DHTKD1: variants seen among roughly 807,000 people sequenced by gnomAD.
DHTKD1 encodes 2-oxoadipate dehydrogenase complex component E1.
Under a neutral mutation model 101.8 loss-of-function variants are expected in DHTKD1, and 78 were observed. The ratio of observed to expected loss-of-function variants is 0.77; its 90% CI spans 0.64 to 0.93. The LOEUF (loss-of-function observed/expected upper bound fraction) is 0.93. Among genes scored for constraint, DHTKD1 ranks in the 40% least tolerant of loss-of-function variants. The probability of loss-of-function intolerance (pLI) is 0.00; values close to 1 mark genes in which losing one functional copy is unlikely to be tolerated. For synonymous variants in DHTKD1, 462 were observed against 450.3 expected (o/e 1.03, Z -0.33); for missense variants, 1,223 against 1,161.7 (o/e 1.05, Z -0.77).
chr10:12,071,654 A>G (rs1291935), intron 1 of DHTKD1, among the ~76,000 whole-genome samples: 126,118 of 151,420 alleles, frequency 0.83, 52,665 homozygotes, highest in South Asian at 0.93. Flanking sequence ...GGGGCCAGGC[A>G]CAGTGACTCA....
At chr10:12,104,701 C>T (rs900030862) in intron 10 of DHTKD1, among the ~76,000 whole-genome samples, 12 of 152,026 alleles carry the variant, frequency 7.9e-5, no homozygotes, top group African/African-American at 2.9e-4. Context: ...CCAAGTGATC[C>T]TCCTAGCTCC....
chr10:12,103,062 A>C lies in DHTKD1; in HGVS notation c.1896+1881A>C, dbSNP rs1833195562. 6.6e-6 allele frequency among the ~76,000 whole-genome samples: 1 copy of C among 152,170 alleles called. No homozygotes were observed. The highest frequency in any genetic ancestry group is 2.4e-5 in the African/African-American group (1 of 41,448). ...ACATGGCGAAACCCTGTCTCTACTAAAAATACAAAAATTAGTCGGGCATGG... is the reference window on the plus strand; with the variant it reads ...ACATGGCGAAACCCTGTCTCTACTACAAATACAAAAATTAGTCGGGCATGG... On this transcript the variant is annotated intron_variant, in intron 10 of 16. Coordinates refer to ENST00000263035, the MANE Select transcript of DHTKD1 (RefSeq NM_018706.7). This position sits in a 1 kb window ranked among gnomAD's most constrained non-coding sequence, Gnocchi z 4.8.
chr10:12,089,105 C>G lies in DHTKD1; in HGVS notation c.837C>G (p.Leu279=). The G allele has an allele frequency of 1.9e-6, 3 of 1,614,228 alleles. No homozygotes were observed. Among genetic ancestry groups the G allele is most frequent in the East Asian group, 2.2e-5 (1 of 44,890 alleles). ...TGTACTTTGGGGCGCACCATCCCCT[C>G]CATGTGACAATGTTGCCCAATCCCT... ...VDLYFGAHHP[L]HVTMLPNPSH... Residue 279 remains leucine, a synonymous_variant, in exon 5 of 17, where the codon CTC becomes CTG. Coordinates refer to ENST00000263035, the MANE Select transcript of DHTKD1 (RefSeq NM_018706.7).
In DHTKD1 at chr10:12,084,639, T is replaced by C; in HGVS notation, c.410T>C (p.Leu137Pro). The change falls in exon 3 of 17, where the codon CTT (leucine) becomes CCT (proline). Residue 137 changes from leucine (L) to proline (P), a missense_variant. By Grantham distance (98) the Leu-to-Pro change is moderately conservative. Transcript: ENST00000263035. The stretch of plus-strand genomic sequence containing the variant: ...CAGATTTCTATTGAAACCTCCCAAC[T>C]TCAGAGCCAGGATGAGAAAGACTGG... ...CGQISIETSQLQSQDEKDWFA... is the reference protein window; with the variant it reads ...CGQISIETSQPQSQDEKDWFA... 1 of 1,614,078 alleles carries C rather than the reference T, an allele frequency of 6.2e-7. No homozygotes were observed. The highest frequency in any genetic ancestry group is 8.5e-7 in the Non-Finnish European group (1 of 1,179,950).
chr10:12,109,758 G>A (rs1833300699), intron 12 of DHTKD1, among the ~76,000 whole-genome samples: 1 of 151,320 alleles, frequency 6.6e-6, no homozygotes, highest in African/African-American at 2.4e-5. Flanking sequence ...GAGCCCAGGA[G>A]TTTGAGACCA....
At chr10:12,069,279 C>T (rs1832613758) in intron 1 of DHTKD1, 92 bp downstream of exon 1, 1 of 444,908 alleles carries the variant, frequency 2.2e-6, no homozygotes, top group Non-Finnish European at 3.1e-6. Flanking sequence ...GTCGGGGAAC[C>T]GGCTGCCGGC....
In DHTKD1 at chr10:12,117,678, C is replaced by T. The variant is rs755569908; in HGVS notation, c.2325C>T (p.Ala775=). 24 of 1,591,670 alleles carry T rather than the reference C, an allele frequency of 1.5e-5. No homozygotes were observed. Among genetic ancestry groups the T allele is most frequent in the Admixed American group, 6.9e-5 (4 of 58,260 alleles). Residue 775 remains alanine, a synonymous_variant, in exon 14 of 17, where the codon GCC becomes GCT. Coordinates refer to ENST00000263035, the MANE Select transcript of DHTKD1 (RefSeq NM_018706.7). ...SPKMLLRLPA[A]VSTLQEMAPG... is the part of the protein sequence containing the mutation. ...TGGCCTCTTCTCCCTCGTAGGCAGC[C>T]GTGTCAACTCTTCAAGAAATGGCAC...
Position 12,110,369 on chromosome 10 carries a change from C to G in DHTKD1, c.2154+2354C>G, listed in dbSNP as rs1387112719. Among the ~76,000 whole-genome samples, 3 of 151,288 alleles carry G rather than the reference C, an allele frequency of 2.0e-5. No individual in the cohort carries two copies. In the East Asian group the frequency reaches 5.8e-4, roughly 29 times the overall value. The stretch of plus-strand genomic sequence containing the variant: ...CATTATTTGTGATTTTTTTTTTTTA[C>G]CTTATTAGCCATTGTTAGTGTTAGT... On this transcript the variant is annotated intron_variant, in intron 12 of 16. Transcript: ENST00000263035. The surrounding 1 kb of genome is among the most constrained non-coding windows in gnomAD (Gnocchi z 4.9).
Position 12,091,592 on chromosome 10 carries a change from T to C in DHTKD1, c.1067T>C (p.Ile356Thr), listed in dbSNP as rs1250819676. The change falls in exon 6 of 17, where the codon ATT becomes ACT. Residue 356 changes from isoleucine to threonine, a missense_variant. Ile to Thr is a moderately conservative substitution (Grantham distance 89). Transcript: ENST00000263035. The part of the protein sequence containing the change: ...FTLSNLPHFR[I>T]GGSVHLIVNN... ...CTGTCCAATCTCCCACATTTCAGAA[T>C]TGGTGGGAGTGTGCATTTGATTGTT... 1.4e-5 allele frequency: 23 copies of C among 1,613,444 alleles called. No individual in the cohort carries two copies. The highest frequency in any genetic ancestry group is 1.8e-5 in the Non-Finnish European group (21 of 1,179,826).
At chr10:12,118,676 C>A in intron 14 of DHTKD1, 73 bp from the exon 15 acceptor site, 1 of 1,318,138 alleles carries the variant, frequency 7.6e-7, no homozygotes, top group Non-Finnish European at 1.0e-6. Context: ...GCTACTGCAC[C>A]TGGCCTCTTC....
rs1701489 is a variant in DHTKD1, at chr10:12,107,552, G to T, written c.2048-357G>T. On this transcript the variant is annotated intron_variant, in intron 11 of 16. Transcript: ENST00000263035. The surrounding 1 kb of genome is among the most constrained non-coding windows in gnomAD (Gnocchi z 4.1). ...CCCACCTCAGCCTCCCGAGTAGCTG[G>T]GACTACAGACATGTGCCACTACAGC... is the stretch of plus-strand genomic sequence containing the variant. Among the ~76,000 whole-genome samples, 11 of 151,918 alleles carry T rather than the reference G, an allele frequency of 7.2e-5. No homozygotes were observed. Among genetic ancestry groups the T allele is most frequent in the African/African-American group, 2.7e-4 (11 of 41,318 alleles).
chr10:12,096,568 G>T (rs72779636), intron 7 of DHTKD1, among the ~76,000 whole-genome samples: 11,946 of 152,086 alleles, frequency 0.079, 602 homozygotes, highest in Non-Finnish European at 0.12. Flanking sequence ...GTCTCACAGC[G>T]TTACCCAAGC....
At chr10:12,079,616 C>T (rs762440301) in intron 1 of DHTKD1, among the ~76,000 whole-genome samples, 4 of 151,978 alleles carry the variant, frequency 2.6e-5, no homozygotes, top group Non-Finnish European at 2.9e-5. Context: ...TGCAGTGAGC[C>T]GAGATTGCAC....
chr10:12,089,136 C>T lies in DHTKD1; in HGVS notation c.868C>T (p.Leu290=). 6.2e-7 allele frequency: 1 copy of T among 1,614,170 alleles called. No homozygotes were observed. The highest frequency in any genetic ancestry group is 2.2e-5 in the East Asian group (1 of 44,884). The change falls in exon 5 of 17, where the codon CTG becomes TTG. Residue 290 remains leucine (L), a synonymous_variant. Transcript: ENST00000263035. ...HVTMLPNPSH[L]EAVNPVAVGK... ...GACAATGTTGCCCAATCCCTCGCAC[C>T]TGGAGGCCGTCAACCCCGTGGCCGT...
At position 12,094,104 on chromosome 10, in the gene DHTKD1, C is replaced by G. The variant is rs758294466; in HGVS notation, c.1191C>G (p.Val397=). The change falls in exon 7 of 17, where the codon GTC becomes GTG. Residue 397 remains valine (V), a synonymous_variant. Coordinates refer to ENST00000263035, the MANE Select transcript of DHTKD1 (RefSeq NM_018706.7). ...GKLVGCAIIH[V]NGDSPEEVVR... is the part of the protein sequence containing the mutation. ...TTGTGGGCTGTGCCATCATCCATGT[C>G]AATGGAGACAGCCCAGAGGAAGTGG... is the stretch of plus-strand genomic sequence containing the variant. 3 of 1,614,088 alleles carry G rather than the reference C, an allele frequency of 1.9e-6. No homozygotes were observed. Among genetic ancestry groups the G allele is most frequent in the Non-Finnish European group, 2.5e-6 (3 of 1,180,010 alleles).
intron 1 of DHTKD1, among the ~76,000 whole-genome samples, chr10:12,080,011 T>C (rs1832789505): frequency 6.6e-6 from 1 of 152,176 alleles, no homozygotes. Context: ...CTGGGTGAGG[T>C]GGCTCACGCC....
intron 10 of DHTKD1, among the ~76,000 whole-genome samples, chr10:12,105,155 T>C (rs191183225): frequency 2.4e-4 from 36 of 152,280 alleles, no homozygotes; most frequent in African/African-American, 8.7e-4. Flanking sequence ...TTAATTGTAA[T>C]GTCTTTTTAA....
intron 12 of DHTKD1, among the ~76,000 whole-genome samples, 196 bp from the exon 13 acceptor site, chr10:12,112,704 A>G (rs1170218459): frequency 6.6e-6 from 1 of 152,134 alleles, no homozygotes; most frequent in African/African-American, 2.4e-5. Context: ...GCCAGTGGAG[A>G]AAGCCATCAG....
In DHTKD1 at chr10:12,084,558, A is replaced by G. The variant is rs369183622; in HGVS notation, c.329A>G (p.Lys110Arg). ...TTCACAGGATTATTGAACATGGGGA[A>G]GGAAGAGGCCTCACTTGAGGAAGTG... ...FHTAGLLNMG[K>R]EEASLEEVLV... Residue 110 changes from lysine to arginine, a missense_variant, in exon 3 of 17, where the codon AAG becomes AGG. Transcript: ENST00000263035. 7.5e-6 allele frequency: 12 copies of G among 1,608,630 alleles called. No individual in the cohort carries two copies. Among genetic ancestry groups the G allele is most frequent in the Non-Finnish European group, 9.4e-6 (11 of 1,175,160 alleles).
Sources: gnomAD v4.1 joint callset for allele counts (sites outside exome capture counted in the v4.1 genomes callset) on GRCh38, gnomAD v4.1.1 for gene constraint, Gnocchi (gnomAD v3.1) non-coding constraint, MANE v1.5 for transcripts, NCBI Gene and HGNC (gene_info 2026-07-23, HGNC 2026-07-21) for gene names.